The following CCDC7 variants were observed in gnomAD, a reference collection of about 807,000 sequenced individuals.
CCDC7 encodes coiled-coil domain containing 7.
Under a neutral mutation model 196.9 loss-of-function variants are expected in CCDC7, and 183 were observed. That is an observed-to-expected ratio of 0.93 (90% CI 0.82 to 1.05). The LOEUF (loss-of-function observed/expected upper bound fraction) is 1.05, where lower values mean the gene tolerates loss of function less well. Among genes scored for constraint, CCDC7 ranks in the 50% least tolerant of loss-of-function variants. The probability of loss-of-function intolerance (pLI) is 0.00; values close to 1 mark genes in which losing one functional copy is unlikely to be tolerated. For synonymous variants in CCDC7, 525 were observed against 484.6 expected (o/e 1.08, Z -1.10); for missense variants, 1,540 against 1,482.2 (o/e 1.04, Z -0.64).
At chr10:32,869,322 A>G (rs1425525945) in intron 41 of CCDC7, among the ~76,000 whole-genome samples, 3 of 152,208 alleles carry the variant, frequency 2.0e-5, no homozygotes, top group Admixed American at 2.0e-4. Context: ...ATGGCCAGTG[A>G]TAATGAGCAT....
chr10:32,753,530 C>A (rs2075971808), intron 28 of CCDC7, among the ~76,000 whole-genome samples: 1 of 152,092 alleles, frequency 6.6e-6, no homozygotes, highest in Admixed American at 6.5e-5. Flanking sequence ...AAAGTCACAT[C>A]ATTACAGATG....
At chr10:32,771,491 T>A (rs1013119692) in intron 28 of CCDC7, among the ~76,000 whole-genome samples, 5 of 152,204 alleles carry the variant, frequency 3.3e-5, no homozygotes, top group African/African-American at 7.2e-5. Flanking sequence ...TGCTGAGAAA[T>A]CTGCTGTTAG....
chr10:32,816,802 A>G (rs1003887226), intron 31 of CCDC7, among the ~76,000 whole-genome samples: 2 of 152,200 alleles, frequency 1.3e-5, no homozygotes, highest in Admixed American at 1.3e-4. Flanking sequence ...AAACTAACAA[A>G]CACAAAGGAC....
chr10:32,461,741 A>G (rs1208021948), intron 3 of CCDC7, among the ~76,000 whole-genome samples: 3 of 73,128 alleles, frequency 4.1e-5, no homozygotes, highest in Non-Finnish European at 8.0e-5. Context: ...GTATATATAT[A>G]TATATATATA....
chr10:32,738,053 G>A (rs192131981), intron 28 of CCDC7, among the ~76,000 whole-genome samples: 9 of 152,126 alleles, frequency 5.9e-5, no homozygotes, highest in South Asian at 2.1e-4. Context: ...AATATCAACC[G>A]TATTTGTAGC....
At chr10:32,498,165 A>G (rs2043208668) in intron 9 of CCDC7, among the ~76,000 whole-genome samples, 1 of 151,696 alleles carries the variant, frequency 6.6e-6, no homozygotes, top group Non-Finnish European at 1.5e-5. Context: ...TTCTCTTTTG[A>G]TTTCTGCTGC....
At chr10:32,499,328 T>G (rs1040064308) in intron 9 of CCDC7, 3 of 152,118 alleles carry the variant, frequency 2.0e-5, no homozygotes. Context: ...TGGACAATGT[T>G]TGCAATTCTA....
intron 20 of CCDC7, among the ~76,000 whole-genome samples, chr10:32,663,659 C>T (rs2072005346): frequency 2.0e-5 from 3 of 151,918 alleles, no homozygotes; most frequent in African/African-American, 4.8e-5. Flanking sequence ...ATAATATATA[C>T]CTTTTTATTA....
At chr10:32,538,753 G>A (rs1272278833) in intron 11 of CCDC7, among the ~76,000 whole-genome samples, 1 of 152,076 alleles carries the variant, frequency 6.6e-6, no homozygotes, top group East Asian at 1.9e-4. Context: ...TATGGTTTTG[G>A]TTTTTAGTTT....
At position 32,571,950 on chromosome 10, in the gene CCDC7, A is replaced by G. The variant is rs2057617286; in HGVS notation, c.1454+57A>G. The G allele has an allele frequency of 1.5e-5, 21 of 1,435,552 alleles. No individual in the cohort carries two copies. In the South Asian group the frequency reaches 3.3e-4, roughly 22 times the overall value. 88.9% of individuals were successfully genotyped at this position (1,435,552 alleles called of 1,614,324 possible). On this transcript the variant is annotated intron_variant, in intron 16 of 41. Coordinates refer to ENST00000639629, the Ensembl canonical transcript of CCDC7. Reference sequence around the variant, plus strand: ...TTTTCTAATCTTTATCAGTTCACATACCTAAGCAATGAAAATAACCATTCT... The same window carrying G: ...TTTTCTAATCTTTATCAGTTCACATGCCTAAGCAATGAAAATAACCATTCT...
At chr10:32,571,921 C>T (rs1204610064) in intron 16 of CCDC7, 28 bp downstream of exon 17, 3 of 1,562,050 alleles carry the variant, frequency 1.9e-6, no homozygotes, top group South Asian at 2.5e-5. Context: ...AATTTGTTCC[C>T]TCATTTTCTA....
At chr10:32,663,837 G>C (rs2072047626) in intron 20 of CCDC7, among the ~76,000 whole-genome samples, 1 of 151,798 alleles carries the variant, frequency 6.6e-6, no homozygotes, top group African/African-American at 2.4e-5. Context: ...ATAAATATTT[G>C]ATGCCAAGAA....
chr10:32,731,623 T>TA (rs904676332), intron 28 of CCDC7, among the ~76,000 whole-genome samples: 1 of 152,218 alleles, frequency 6.6e-6, no homozygotes, highest in Non-Finnish European at 1.5e-5. Flanking sequence ...TATGAAGTAA[T>TA]AAGAGTGCCT....
At chr10:32,750,196 G>A (rs1292222050) in intron 28 of CCDC7, among the ~76,000 whole-genome samples, 3 of 152,080 alleles carry the variant, frequency 2.0e-5, no homozygotes, top group Non-Finnish European at 4.4e-5. Flanking sequence ...TGTAAGACAT[G>A]TAACCATATT....
At chr10:32,508,680 T>C (rs1204070557) in intron 9 of CCDC7, among the ~76,000 whole-genome samples, 1 of 152,042 alleles carries the variant, frequency 6.6e-6, no homozygotes, top group African/African-American at 2.4e-5. Flanking sequence ...TGGAGTGCAA[T>C]GGCACCATCT....
At chr10:32,796,518 T>G (rs911956836) in intron 29 of CCDC7, among the ~76,000 whole-genome samples, 1 of 152,202 alleles carries the variant, frequency 6.6e-6, no homozygotes, top group African/African-American at 2.4e-5. Flanking sequence ...TGGTAAATTC[T>G]ATCTTAGAAA....
chr10:32,777,296 G>A (rs974799484), intron 28 of CCDC7, among the ~76,000 whole-genome samples: 1 of 152,106 alleles, frequency 6.6e-6, no homozygotes, highest in East Asian at 1.9e-4. Context: ...GAGCACCTAC[G>A]TTGATTCTGT....
chr10:32,861,853 A>G lies in CCDC7; in HGVS notation c.4111+7364A>G, dbSNP rs1441193647. ...CTGGTCATTAGAGAAATGCAAATCA[A>G]AACCACAATGAGATAACATCTCATG... On this transcript the variant is annotated intron_variant, in intron 41 of 41. Transcript: ENST00000639629. 2.6e-5 allele frequency among the ~76,000 whole-genome samples: 4 copies of G among 152,372 alleles called. No homozygotes were observed. In the East Asian group the frequency reaches 7.7e-4, roughly 29 times the overall value.
chr10:32,693,745 A>G (rs571194852), intron 23 of CCDC7, among the ~76,000 whole-genome samples: 179 of 152,262 alleles, frequency 1.2e-3, no homozygotes, highest in African/African-American at 3.9e-3. Flanking sequence ...AGGTGCTCCA[A>G]TTTCCTCCCA....
Sources: gnomAD v4.1 joint callset for allele counts (sites outside exome capture counted in the v4.1 genomes callset) on GRCh38, gnomAD v4.1.1 for gene constraint, MANE v1.5 for transcripts, NCBI Gene and HGNC (gene_info 2026-07-23, HGNC 2026-07-21) for gene names.